TLK1: variants seen among roughly 807,000 people sequenced by gnomAD.
TLK1 encodes the protein tousled like kinase 1.
TLK1 carries 24 observed loss-of-function variants against 105.3 expected under a neutral mutation model. The observed-to-expected ratio is 0.23, with a 90% CI of 0.17 to 0.32. The LOEUF is 0.32. TLK1 is among the 10% of genes least tolerant of loss of function. The pLI is 1.00. For missense variants in TLK1, 558 were observed against 910.5 expected, an observed-to-expected ratio of 0.61 and a Z score of 4.98; for synonymous variants, 321 against 310.4, an observed-to-expected ratio of 1.03 and a Z score of -0.36.
At chr2:171,115,338 A>ACT (rs1553479189) in intron 2 of TLK1, among the ~76,000 whole-genome samples, 4 of 150,114 alleles carry the variant, frequency 2.7e-5, no homozygotes, top group East Asian at 1.9e-4. Context: ...TGCCTGGCTA[A>ACT]TTTTTTTTTG....
chr2:170,993,973 A>G lies in TLK1; in HGVS notation c.2125-17T>C. ...TATAAATGCCTCAAAAAGAGAAAGG[A>G]AATGTTAGCAATTAATGATCTTTTT... is the stretch of plus-strand genomic sequence containing the variant. On this transcript the variant is annotated splice_polypyrimidine_tract_variant and intron_variant, in intron 20 of 20. Coordinates refer to ENST00000431350, the MANE Select transcript of TLK1 (RefSeq NM_012290.5). 6.4e-7 allele frequency: 1 copy of G among 1,566,212 alleles called. No individual in the cohort carries two copies. The highest frequency in any genetic ancestry group is 8.6e-7 in the Non-Finnish European group (1 of 1,157,532).
chr2:171,191,712 T>C (rs1693158377), intron 1 of TLK1, among the ~76,000 whole-genome samples: 1 of 152,178 alleles, frequency 6.6e-6, no homozygotes, highest in Non-Finnish European at 1.5e-5. Flanking sequence ...CTGGTCCCAC[T>C]GTCTTCCTAA....
At position 171,182,935 on chromosome 2, in the gene TLK1, A is replaced by AAAAAG. The variant is rs1553487148; in HGVS notation, c.-6+48209_-6+48210insCTTTT. ...AAACCCTGACTCCAAAAAAAAAAAA[A>AAAAAG]AAAGAAAGAAAGAAAGAAAGAAAGA... On this transcript the variant is annotated intron_variant, in intron 1 of 20. Transcript: ENST00000521943. Among the ~76,000 whole-genome samples, 8 of 128,834 alleles carry AAAAAG rather than the reference A, an allele frequency of 6.2e-5. No individual in the cohort carries two copies. In the East Asian group the frequency reaches 6.5e-4, roughly 11 times the overall value. The allele number at this position is 128,834 out of a possible 152,430, so 84.5% of individuals were successfully genotyped here.
intron 2 of TLK1, among the ~76,000 whole-genome samples, chr2:171,109,439 C>G (rs1035825): frequency 6.6e-5 from 10 of 152,010 alleles, no homozygotes; most frequent in African/African-American, 2.4e-4. Flanking sequence ...ACAGCAGTTC[C>G]TGGAGGGACA....
intron 11 of TLK1, among the ~76,000 whole-genome samples, chr2:171,035,817 C>T (rs886713325): frequency 4.6e-5 from 7 of 151,892 alleles, no homozygotes; most frequent in South Asian, 2.1e-4. Flanking sequence ...GCTATGAAGA[C>T]GGAAGGGGAT....
In TLK1 at chr2:171,160,453, T is replaced by C; in HGVS notation, c.-25A>G. On this transcript the variant is annotated 5_prime_UTR_variant, in exon 1 of 21. Coordinates refer to ENST00000431350, the MANE Select transcript of TLK1 (RefSeq NM_012290.5). The surrounding 1 kb of genome is among the most constrained non-coding windows in gnomAD (Gnocchi z 4.4). ...TCAAGCTACTTTCTGGGAACCCGAC[T>C]CCCCCCCTGCGACGGCAGCGGCGGC... 2 of 1,580,862 alleles carry C rather than the reference T, an allele frequency of 1.3e-6. No homozygotes were observed. The highest frequency in any genetic ancestry group is 1.8e-5 in the Admixed American group (1 of 55,204).
intron 1 of TLK1, among the ~76,000 whole-genome samples, chr2:171,192,543 G>A (rs1343715962): frequency 1.3e-5 from 2 of 152,136 alleles, no homozygotes; most frequent in African/African-American, 4.8e-5. Context: ...AGCCGGGCAT[G>A]GTTGCACGTG....
chr2:171,215,919 T>C (rs1413612218), intron 1 of TLK1, among the ~76,000 whole-genome samples: 4 of 152,236 alleles, frequency 2.6e-5, no homozygotes, highest in Non-Finnish European at 5.9e-5. Context: ...AATCAACTCA[T>C]GGTTCCTCAT....
intron 1 of TLK1, among the ~76,000 whole-genome samples, chr2:171,145,882 A>C (rs1449152186): frequency 6.6e-6 from 1 of 152,116 alleles, no homozygotes; most frequent in Non-Finnish European, 1.5e-5. Flanking sequence ...ACTAAATCAG[A>C]ATAATGGTTA....
intron 1 of TLK1, among the ~76,000 whole-genome samples, chr2:171,194,768 G>C (rs1271077327): frequency 2.1e-5 from 3 of 140,826 alleles, no homozygotes; most frequent in African/African-American, 8.1e-5. Flanking sequence ...AGTGAGCCCA[G>C]ATCGCGCCAC....
chr2:171,143,919 A>G (rs1469476832), intron 1 of TLK1, among the ~76,000 whole-genome samples: 1 of 152,234 alleles, frequency 6.6e-6, no homozygotes, highest in African/African-American at 2.4e-5. Flanking sequence ...TTTTAAAAGA[A>G]TAAGATCCAA....
At chr2:171,077,689 G>A (rs751471625) in intron 3 of TLK1, among the ~76,000 whole-genome samples, 5 of 152,092 alleles carry the variant, frequency 3.3e-5, no homozygotes, top group East Asian at 1.9e-4. Context: ...TTAAAAAATT[G>A]TTAAGGACCC....
Position 171,122,938 on chromosome 2 carries a change from C to T in TLK1, c.140-5081G>A, listed in dbSNP as rs185050880. Among the ~76,000 whole-genome samples the T allele has an allele frequency of 2.6e-5, 4 of 151,860 alleles. No homozygotes were observed. In the East Asian group the frequency reaches 5.8e-4, roughly 22 times the overall value. ...CCTGTAATCCCAGCTACTTAGGAGG[C>T]TGAGGCACAAGAATCACTTGAACCC... On this transcript the variant is annotated intron_variant, in intron 1 of 20. Transcript: ENST00000431350.
intron 2 of TLK1, chr2:171,091,935 A>C (rs527447823): frequency 6.6e-6 from 1 of 151,872 alleles, no homozygotes; most frequent in South Asian, 2.1e-4. Flanking sequence ...TAGTAGAGAC[A>C]GGGTTTCACC....
intron 1 of TLK1, among the ~76,000 whole-genome samples, chr2:171,175,054 G>T (rs1251207093): frequency 1.3e-5 from 2 of 151,954 alleles, no homozygotes; most frequent in Non-Finnish European, 2.9e-5. Context: ...ACACGGCAAG[G>T]CCCCGTCTCT....
chr2:171,229,617 C>G (rs17217753), intron 1 of TLK1, among the ~76,000 whole-genome samples: 8,790 of 152,256 alleles, frequency 0.058, 341 homozygotes, highest in Middle Eastern at 0.095. Flanking sequence ...GACAGAATCT[C>G]TGTTCTTCAG....
chr2:171,111,964 G>T lies in TLK1; in HGVS notation c.258+5775C>A, dbSNP rs542747579. Among the ~76,000 whole-genome samples, 850 of 141,874 alleles carry T rather than the reference G, an allele frequency of 6.0e-3. 7 individuals carry two copies. Among genetic ancestry groups the T allele is most frequent in the Non-Finnish European group, 0.011 (712 of 64,704 alleles). 93.1% of individuals were successfully genotyped at this position (141,874 alleles called of 152,430 possible). The stretch of plus-strand genomic sequence containing the variant: ...TGGTAGGGTTTTTTGTTTGTTTTTG[G>T]TTTTTTTGAGACAGTCTTGCTCTGT... On this transcript the variant is annotated intron_variant, in intron 2 of 20. Transcript: ENST00000431350.
At chr2:171,080,223 C>G (rs1429476517) in intron 3 of TLK1, among the ~76,000 whole-genome samples, 1 of 150,428 alleles carries the variant, frequency 6.6e-6, no homozygotes, top group African/African-American at 2.4e-5. Context: ...AGTAATAAAC[C>G]TTCCAGTACT....
At position 171,013,088 on chromosome 2, in the gene TLK1, G is replaced by A. The variant is rs541286989; in HGVS notation, c.1335-1634C>T. On this transcript the variant is annotated intron_variant, in intron 13 of 20. Coordinates refer to ENST00000431350, the MANE Select transcript of TLK1 (RefSeq NM_012290.5). ...CTGTTGCCCAGGCTGGAGTGCAGTG[G>A]CGCAACCTCCGCCTCCCGGGTTCAA... Among the ~76,000 whole-genome samples the A allele has an allele frequency of 4.0e-5, 6 of 151,502 alleles. 1 individual carries two copies. Among genetic ancestry groups the A allele is most frequent in the African/African-American group, 1.5e-4 (6 of 41,314 alleles).
Sources: gnomAD v4.1 joint callset for allele counts (sites outside exome capture counted in the v4.1 genomes callset) on GRCh38, gnomAD v4.1.1 for gene constraint, Gnocchi (gnomAD v3.1) non-coding constraint, MANE v1.5 for transcripts, NCBI Gene and HGNC (gene_info 2026-07-23, HGNC 2026-07-21) for gene names.